The following EP300 variants were observed in gnomAD, a reference collection of about 807,000 sequenced individuals.
EP300 encodes the protein histone acetyltransferase p300.
EP300 carries 31 observed loss-of-function variants against 264.0 expected under a neutral mutation model. The ratio of observed to expected loss-of-function variants is 0.12; its 90% CI spans 0.09 to 0.16. The LOEUF (loss-of-function observed/expected upper bound fraction) is 0.16, where lower values mean the gene tolerates loss of function less well. Among genes scored for constraint, EP300 ranks in the 10% least tolerant of loss-of-function variants. EP300 has a pLI of 1.00. For missense variants in EP300, 2,766 were observed against 3,052.9 expected, an observed-to-expected ratio of 0.91 and a Z score of 2.21; for synonymous variants, 1,340 against 1,045.4, an observed-to-expected ratio of 1.28 and a Z score of -5.44.
At chr22:41,154,374 C>CTTTTTTTTTTTTTTTTTTTTTTT (rs2059064232) in intron 16 of EP300, among the ~76,000 whole-genome samples, 1 of 57,654 alleles carries the variant, frequency 1.7e-5, no homozygotes, top group Non-Finnish European at 3.5e-5. Flanking sequence ...ATCTTGTGCA[C>CTTTTTTTTTTTTTTTTTTTTTTT]TCTTTTTTTT....
At chr22:41,093,269 C>T (rs929740233) in intron 1 of EP300, among the ~76,000 whole-genome samples, 171 bp downstream of exon 1, 2 of 152,090 alleles carry the variant, frequency 1.3e-5, no homozygotes, top group East Asian at 1.9e-4. Context: ...CAACCATTTT[C>T]TTTGCCTCCT....
chr22:41,171,146 A>AT (rs1197446565), intron 27 of EP300, among the ~76,000 whole-genome samples: 1 of 140,368 alleles, frequency 7.1e-6, no homozygotes, highest in Non-Finnish European at 1.5e-5. Context: ...ATTTTATTTT[A>AT]TTTATTTTTG....
chr22:41,159,801 A>C (rs1197773731), intron 19 of EP300: 2 of 152,052 alleles, frequency 1.3e-5, no homozygotes, highest in South Asian at 2.1e-4. Flanking sequence ...CAGCCTTCCA[A>C]ATAGTTGGGA....
intron 2 of EP300, among the ~76,000 whole-genome samples, chr22:41,125,213 G>A (rs1172141759): frequency 6.7e-6 from 1 of 149,844 alleles, no homozygotes; most frequent in East Asian, 1.9e-4. Context: ...CCGCCTCCCG[G>A]GTTCACTCCA....
At position 41,178,434 on chromosome 22, in the gene EP300, G is replaced by C. The variant is rs200119686; in HGVS notation, c.6723G>C (p.Gln2241His). 2.9e-5 allele frequency: 47 copies of C among 1,614,036 alleles called. No homozygotes were observed. The highest frequency in any genetic ancestry group is 5.1e-6 in the Non-Finnish European group (6 of 1,180,024). Residue 2241 changes from glutamine (Q) to histidine (H), a missense_variant, in exon 31 of 31, where the codon CAG becomes CAC. By Grantham distance (24) the Gln-to-His change is conservative. Coordinates refer to ENST00000263253, the MANE Select transcript of EP300 (RefSeq NM_001429.4). ...AGATGCAACAAGGAAATATGGGACA[G>C]ATAGGCCAGCTTCCCCAGGCCTTGG... ...MQQMQQGNMG[Q>H]IGQLPQALGA...
At chr22:41,165,137 T>TG (rs1220174971) in intron 22 of EP300, among the ~76,000 whole-genome samples, 1 of 152,244 alleles carries the variant, frequency 6.6e-6, no homozygotes, top group African/African-American at 2.4e-5. Flanking sequence ...ATTTTCAGTG[T>TG]GACTTGTCTT....
intron 6 of EP300, among the ~76,000 whole-genome samples, chr22:41,132,600 C>T (rs1157152813): frequency 6.6e-6 from 1 of 152,098 alleles, no homozygotes; most frequent in African/African-American, 2.4e-5. Context: ...CAATCTCTTA[C>T]AGATGGACAT....
In EP300 at chr22:41,178,473, T is replaced by C; in HGVS notation, c.6762T>C (p.Gly2254=). The change falls in exon 31 of 31, where the codon GGT becomes GGC. Residue 2254 remains glycine (G), a synonymous_variant. Transcript: ENST00000263253. ...CCCAGGCCTTGGGAGCAGAGGCAGG[T>C]GCCAGTCTACAGGCCTATCAGCAGC... The part of the protein sequence containing the change: ...QLPQALGAEA[G]ASLQAYQQRL... The C allele has an allele frequency of 6.2e-7, 1 of 1,613,332 alleles. No individual in the cohort carries two copies. Among genetic ancestry groups the C allele is most frequent in the Non-Finnish European group, 8.5e-7 (1 of 1,179,950 alleles).
At chr22:41,141,762 C>T (rs1021783782) in intron 10 of EP300, among the ~76,000 whole-genome samples, 8 of 151,840 alleles carry the variant, frequency 5.3e-5, no homozygotes, top group African/African-American at 1.7e-4. Flanking sequence ...CTGCAGCCTC[C>T]GCCTCCCAGG....
At chr22:41,117,843 G>T (rs2058830310) in intron 2 of EP300, 22 bp downstream of exon 2, 6 of 1,613,056 alleles carry the variant, frequency 3.7e-6, no homozygotes, top group Non-Finnish European at 5.1e-6. Flanking sequence ...TTTGGTTTGT[G>T]TGCACAATCG....
chr22:41,125,818 T>G, intron 2 of EP300, 46 bp from the exon 3 acceptor site: 2 of 1,583,944 alleles, frequency 1.3e-6, no homozygotes, highest in Non-Finnish European at 1.7e-6. Flanking sequence ...TAATAATGTC[T>G]TAAATTTTAT....
chr22:41,095,005 T>G (rs2145668848), intron 1 of EP300, among the ~76,000 whole-genome samples: 1 of 152,276 alleles, frequency 6.6e-6, no homozygotes, highest in Middle Eastern at 3.4e-3. Context: ...AACTCAACAT[T>G]GAGATTAATT....
intron 14 of EP300, among the ~76,000 whole-genome samples, chr22:41,151,365 A>T (rs940283083): frequency 6.6e-6 from 1 of 152,206 alleles, no homozygotes; most frequent in African/African-American, 2.4e-5. Flanking sequence ...AAGATAGGGA[A>T]TGCCAGTTTA....
In EP300 at chr22:41,093,118, G is replaced by T. The variant is rs1331771447; in HGVS notation, c.94+20G>T. 1 of 1,611,882 alleles carries T rather than the reference G, an allele frequency of 6.2e-7. No homozygotes were observed. The highest frequency in any genetic ancestry group is 8.5e-7 in the Non-Finnish European group (1 of 1,178,294). On this transcript the variant is annotated intron_variant, in intron 1 of 30. Transcript: ENST00000263253. Reference sequence around the variant, plus strand: ...GCACAGGTTAGTTTCGGCAGCCCCGGCCTTCCACGTTCCCTTTAATCTTTT... The same window carrying T: ...GCACAGGTTAGTTTCGGCAGCCCCGTCCTTCCACGTTCCCTTTAATCTTTT...
rs767494828 is a variant in EP300 at position 41,157,155 on chromosome 22, A to T, written c.3262-14A>T. ...TGAGACTTGAGTAATGTTTGATGTCACTTGTCTTTCTAGGATTACTTTGAT... is the reference window on the plus strand; with the variant it reads ...TGAGACTTGAGTAATGTTTGATGTCTCTTGTCTTTCTAGGATTACTTTGAT... On this transcript the variant is annotated splice_polypyrimidine_tract_variant and intron_variant, in intron 17 of 30. Transcript: ENST00000263253. The T allele has an allele frequency of 6.2e-7, 1 of 1,613,774 alleles. No individual in the cohort carries two copies. Among genetic ancestry groups the T allele is most frequent in the African/African-American group, 1.3e-5 (1 of 74,916 alleles).
chr22:41,097,253 A>T (rs1383722695), intron 1 of EP300, among the ~76,000 whole-genome samples: 1 of 152,234 alleles, frequency 6.6e-6, no homozygotes, highest in African/African-American at 2.4e-5. Flanking sequence ...AGTGACTTTT[A>T]AGTTGTAAAT....
chr22:41,179,138 TAGAATACAA>T lies in EP300; in HGVS notation c.*189_*197del. On this transcript the variant is annotated 3_prime_UTR_variant, in exon 31 of 31. Coordinates refer to ENST00000263253, the MANE Select transcript of EP300 (RefSeq NM_001429.4). ...CATGCAAGATGAACCTGAGGGATGATAGAATACAAAGAATATATTTTTGTTATGGCTGGT... is the reference window on the plus strand; with the variant it reads ...CATGCAAGATGAACCTGAGGGATGATAGAATATATTTTTGTTATGGCTGGT... 1.5e-6 allele frequency: 1 copy of T among 664,436 alleles called. No homozygotes were observed. The highest frequency in any genetic ancestry group is 2.7e-5 in the East Asian group (1 of 36,638). 41.2% of individuals were successfully genotyped at this position (664,436 alleles called of 1,614,324 possible).
chr22:41,179,002 A>G lies in EP300; in HGVS notation c.*46A>G, dbSNP rs762549341. On this transcript the variant is annotated 3_prime_UTR_variant, in exon 31 of 31. Transcript: ENST00000263253. Reference sequence around the variant, plus strand: ...GGAGCAAAAAAATTATTTTCTCTTAACAAGACTTTTTGTACTGAAAACAAT... The same window carrying G: ...GGAGCAAAAAAATTATTTTCTCTTAGCAAGACTTTTTGTACTGAAAACAAT... The G allele has an allele frequency of 6.2e-7, 1 of 1,605,692 alleles. No individual in the cohort carries two copies. The highest frequency in any genetic ancestry group is 1.7e-5 in the Admixed American group (1 of 59,540).
At chr22:41,114,259 G>T (rs1290669755) in intron 1 of EP300, among the ~76,000 whole-genome samples, 1 of 152,152 alleles carries the variant, frequency 6.6e-6, no homozygotes, top group Non-Finnish European at 1.5e-5. Flanking sequence ...ACGGCTCACT[G>T]CAGCCTCAAC....
Sources: gnomAD v4.1 joint callset for allele counts (sites outside exome capture counted in the v4.1 genomes callset) on GRCh38, gnomAD v4.1.1 for gene constraint, MANE v1.5 for transcripts, NCBI Gene and HGNC (gene_info 2026-07-23, HGNC 2026-07-21) for gene names.